HRH1: variants seen among roughly 807,000 people sequenced by gnomAD.
HRH1 encodes the protein histamine H1 receptor.
Under a neutral mutation model 10.3 loss-of-function variants are expected in HRH1, and 6 were observed. That is an observed-to-expected ratio of 0.58 (90% CI 0.32 to 1.15). The LOEUF is 1.15. HRH1 is among the 50% of genes most tolerant of loss of function. The pLI, the probability that HRH1 is intolerant of heterozygous loss-of-function variation, is 0.05. For synonymous variants in HRH1, 242 were observed against 236.7 expected (o/e 1.02, Z -0.21); for missense variants, 514 against 615.3 (o/e 0.84, Z 1.74).
intron 1 of HRH1, among the ~76,000 whole-genome samples, chr3:11,222,232 G>A (rs745897001): frequency 6.6e-6 from 1 of 152,174 alleles, no homozygotes; most frequent in Admixed American, 6.6e-5. Flanking sequence ...GGCACAGGAC[G>A]GGGTGGGAGT....
intron 1 of HRH1, among the ~76,000 whole-genome samples, chr3:11,193,079 A>G (rs1007503984): frequency 1.3e-5 from 2 of 152,230 alleles, no homozygotes; most frequent in South Asian, 2.1e-4. Flanking sequence ...GTACAAAATT[A>G]TTTCTAACTC....
intron 1 of HRH1, among the ~76,000 whole-genome samples, chr3:11,164,202 G>A (rs1181115750): frequency 1.3e-4 from 20 of 152,234 alleles, no homozygotes; most frequent in Non-Finnish European, 2.9e-5. Context: ...TCCAGAAAGA[G>A]CACACGGCCT....
intron 1 of HRH1, among the ~76,000 whole-genome samples, chr3:11,196,510 A>G (rs889728050): frequency 6.6e-6 from 1 of 151,996 alleles, no homozygotes; most frequent in African/African-American, 2.4e-5. Context: ...GGTTCAAGCA[A>G]TTCTCCTTGA....
intron 1 of HRH1, among the ~76,000 whole-genome samples, chr3:11,248,314 T>C (rs1240848819): frequency 6.6e-6 from 1 of 152,244 alleles, no homozygotes; most frequent in Non-Finnish European, 1.5e-5. Flanking sequence ...TTGTTTACAG[T>C]TGACCACCAG....
At chr3:11,250,432 C>T (rs947222100) in intron 1 of HRH1, among the ~76,000 whole-genome samples, 10 of 152,008 alleles carry the variant, frequency 6.6e-5, no homozygotes, top group African/African-American at 2.2e-4. Flanking sequence ...TGCGTCCATC[C>T]TCTCTCAACG....
intron 1 of HRH1, among the ~76,000 whole-genome samples, chr3:11,242,930 T>G (rs1170785867): frequency 2.6e-5 from 4 of 152,122 alleles, no homozygotes; most frequent in Admixed American, 1.3e-4. Context: ...TTTTTCCTTT[T>G]TTTAGATGGA....
intron 1 of HRH1, among the ~76,000 whole-genome samples, chr3:11,247,253 C>CA (rs1939514793): frequency 6.6e-6 from 1 of 152,162 alleles, no homozygotes; most frequent in Non-Finnish European, 1.5e-5. Context: ...ACCCAGGAGA[C>CA]AGAGTGTTAG....
rs561591399 is a variant in HRH1, at chr3:11,178,980, T to A, written c.-36+24426T>A. Among the ~76,000 whole-genome samples the A allele has an allele frequency of 3.0e-4, 46 of 152,284 alleles. 1 individual carries two copies. The highest frequency in any genetic ancestry group is 1.1e-3 in the African/African-American group (44 of 41,544). On this transcript the variant is annotated intron_variant, in intron 1 of 1. Coordinates refer to ENST00000431010, the MANE Select transcript of HRH1 (RefSeq NM_001098212.2). ...AGTAGGTCCACAGTTCCTTTAATGATCCCTCTTTTCAGAAGAAAGTCAGCC... is the reference window on the plus strand; with the variant it reads ...AGTAGGTCCACAGTTCCTTTAATGAACCCTCTTTTCAGAAGAAAGTCAGCC...
At chr3:11,187,133 T>C (rs989972365) in intron 1 of HRH1, among the ~76,000 whole-genome samples, 2 of 152,206 alleles carry the variant, frequency 1.3e-5, no homozygotes, top group African/African-American at 4.8e-5. Context: ...GGGGGTCCTC[T>C]GGCCTGGAAT....
chr3:11,153,112 C>T (rs566879881), upstream of HRH1, among the ~76,000 whole-genome samples: 172 of 152,274 alleles, frequency 1.1e-3, 2 homozygotes, highest in African/African-American at 4.0e-3. Flanking sequence ...ATAACAGCAC[C>T]TTGGACCTTG....
chr3:11,156,611 G>C (rs1029093880), intron 1 of HRH1, among the ~76,000 whole-genome samples: 1 of 152,162 alleles, frequency 6.6e-6, no homozygotes, highest in African/African-American at 2.4e-5. Context: ...TTGTGGCCTT[G>C]GTCAAGTTGC....
Position 11,231,993 on chromosome 3 carries a change from A to T in HRH1, c.-35-27010A>T, listed in dbSNP as rs185661001. The stretch of plus-strand genomic sequence containing the variant: ...AATGGTCTGTGGAGCATTTTGAGTT[A>T]ATTTTTTTTTTTTTTTTTAGACTGA... On this transcript the variant is annotated intron_variant, in intron 1 of 1. Coordinates refer to ENST00000431010, the MANE Select transcript of HRH1 (RefSeq NM_001098212.2). 1.2e-4 allele frequency among the ~76,000 whole-genome samples: 18 copies of T among 148,526 alleles called. No homozygotes were observed. In the East Asian group the frequency reaches 3.5e-3, roughly 29 times the overall value.
intron 1 of HRH1, among the ~76,000 whole-genome samples, chr3:11,202,933 C>T (rs1016658167): frequency 6.6e-6 from 1 of 152,198 alleles, no homozygotes; most frequent in Admixed American, 6.5e-5. Flanking sequence ...CCAAATCCTG[C>T]TAACCATTGA....
chr3:11,170,502 G>C, intron 1 of HRH1, among the ~76,000 whole-genome samples: 1 of 152,256 alleles, frequency 6.6e-6, no homozygotes, highest in Non-Finnish European at 1.5e-5. Context: ...CCGGCGGCCT[G>C]GTGGGGAAGG....
At chr3:11,242,986 T>C (rs1939390104) in intron 1 of HRH1, among the ~76,000 whole-genome samples, 1 of 152,090 alleles carries the variant, frequency 6.6e-6, no homozygotes, top group Non-Finnish European at 1.5e-5. Flanking sequence ...TGATCTTGGC[T>C]CACTGCAACC....
At chr3:11,155,645 G>T (rs759292889) in intron 1 of HRH1, among the ~76,000 whole-genome samples, 1 of 152,202 alleles carries the variant, frequency 6.6e-6, no homozygotes, top group Non-Finnish European at 1.5e-5. Flanking sequence ...GGCAGGCTGG[G>T]AGTCCTGGTG....
chr3:11,183,204 C>T lies in HRH1; in HGVS notation c.-36+28650C>T, dbSNP rs150764842. On this transcript the variant is annotated intron_variant, in intron 1 of 1. Coordinates refer to ENST00000431010, the MANE Select transcript of HRH1 (RefSeq NM_001098212.2). ...ATGTAACCATGTCCAAGGCCAACCTCAGCCTAGACAGTGCTGAGTTTGGGG... is the reference window on the plus strand; with the variant it reads ...ATGTAACCATGTCCAAGGCCAACCTTAGCCTAGACAGTGCTGAGTTTGGGG... Among the ~76,000 whole-genome samples, 856 of 152,296 alleles carry T rather than the reference C, an allele frequency of 5.6e-3. 9 individuals are homozygous for T. Among genetic ancestry groups the T allele is most frequent in the African/African-American group, 0.019 (796 of 41,566 alleles).
At chr3:11,200,782 G>A (rs767885278) in intron 1 of HRH1, among the ~76,000 whole-genome samples, 5 of 152,118 alleles carry the variant, frequency 3.3e-5, no homozygotes, top group Admixed American at 6.5e-5. Context: ...GCTTACAAAT[G>A]AGTAAGGCAT....
chr3:11,240,994 A>G (rs1024884788), intron 1 of HRH1, among the ~76,000 whole-genome samples: 8 of 152,260 alleles, frequency 5.3e-5, no homozygotes, highest in Non-Finnish European at 1.2e-4. Context: ...CTCACTTTGT[A>G]CTAGAGAAAA....
Sources: allele counts gnomAD v4.1 joint callset (sites outside exome capture counted in the v4.1 genomes callset), GRCh38; gene constraint gnomAD v4.1.1; transcripts MANE v1.5; gene names NCBI Gene and HGNC (gene_info 2026-07-23, HGNC 2026-07-21).